The following SYT1 variants were observed in gnomAD, a reference collection of about 807,000 sequenced individuals.
SYT1 encodes synaptotagmin 1.
A neutral mutation model predicts 44.8 loss-of-function variants in SYT1; 8 were observed. The ratio of observed to expected loss-of-function variants is 0.18; its 90% CI spans 0.10 to 0.32. The LOEUF is 0.32. SYT1 is among the 10% of genes least tolerant of loss of function. SYT1 has a pLI of 1.00. For synonymous variants in SYT1, 154 were observed against 188.8 expected (o/e 0.82, Z 1.51); for missense variants, 286 against 509.3 (o/e 0.56, Z 4.22).
intron 3 of SYT1, among the ~76,000 whole-genome samples, chr12:79,117,662 C>T (rs913856766): frequency 5.1e-5 from 2 of 39,310 alleles, no homozygotes; most frequent in African/African-American, 8.7e-5. Flanking sequence ...TGTATTACAT[C>T]ATATATATAT....
intron 4 of SYT1, among the ~76,000 whole-genome samples, chr12:79,243,927 G>C (rs1014951871): frequency 1.3e-5 from 2 of 151,852 alleles, no homozygotes; most frequent in Non-Finnish European, 2.9e-5. Flanking sequence ...TACAGGATGG[G>C]GGTGGCTAAA....
chr12:79,026,522 T>C (rs1229314667), intron 2 of SYT1, among the ~76,000 whole-genome samples: 1 of 150,982 alleles, frequency 6.6e-6, no homozygotes, highest in Non-Finnish European at 1.5e-5. Flanking sequence ...TTTTATGTTA[T>C]TGGAATCACG....
rs150015971 is a variant in SYT1, at chr12:79,247,499, G to T, written c.166+29814G>T. ...TCAGTGATACACAATTCTTCCTCAT[G>T]AGAGAAACAATTTATGGGAAATTAT... On this transcript the variant is annotated intron_variant, in intron 4 of 10. Coordinates refer to ENST00000261205, the MANE Select transcript of SYT1 (RefSeq NM_005639.3). Among the ~76,000 whole-genome samples, 521 of 152,250 alleles carry T rather than the reference G, an allele frequency of 3.4e-3. 3 individuals are homozygous for T. The highest frequency in any genetic ancestry group is 0.012 in the African/African-American group (487 of 41,552).
intron 9 of SYT1, among the ~76,000 whole-genome samples, chr12:79,363,570 A>T (rs1001891265): frequency 5.5e-5 from 8 of 144,668 alleles, no homozygotes; most frequent in African/African-American, 2.2e-4. Flanking sequence ...TACAAAAAAA[A>T]TTAAAAAAAA....
chr12:79,294,783 A>G (rs2138862723), intron 6 of SYT1, among the ~76,000 whole-genome samples: 1 of 151,978 alleles, frequency 6.6e-6, no homozygotes, highest in African/African-American at 2.4e-5. Context: ...TTTACTAATC[A>G]TGTCTTTATA....
intron 1 of SYT1, among the ~76,000 whole-genome samples, chr12:78,899,067 C>A (rs1303574756): frequency 1.3e-5 from 2 of 151,992 alleles, no homozygotes; most frequent in East Asian, 3.9e-4. Flanking sequence ...TTATTGACAG[C>A]TTTGATGTGG....
intron 2 of SYT1, among the ~76,000 whole-genome samples, chr12:79,045,004 A>G (rs1269719707): frequency 1.3e-5 from 2 of 152,154 alleles, no homozygotes; most frequent in Non-Finnish European, 2.9e-5. Flanking sequence ...GCGTGCTGGG[A>G]GAACCACTGC....
At chr12:78,927,089 A>G (rs2137184098) in intron 1 of SYT1, among the ~76,000 whole-genome samples, 1 of 152,266 alleles carries the variant, frequency 6.6e-6, no homozygotes, top group African/African-American at 2.4e-5. Flanking sequence ...CAAATGAGGT[A>G]GATTCAACAA....
chr12:79,093,707 A>AT (rs76491419), intron 3 of SYT1, among the ~76,000 whole-genome samples: 5,154 of 151,578 alleles, frequency 0.034, 177 homozygotes, highest in South Asian at 0.11. Flanking sequence ...TAGAATAATT[A>AT]TTTTTCTTCA....
Position 79,158,183 on chromosome 12 carries a change from A to C in SYT1, c.-17-59320A>C, listed in dbSNP as rs185066278. On this transcript the variant is annotated intron_variant, in intron 3 of 10. Transcript: ENST00000261205. The stretch of plus-strand genomic sequence containing the variant: ...TGTACAAGTAACTACATAACTCACT[A>C]TCATGTAGAATCAGTGCGATCCCTG... Among the ~76,000 whole-genome samples the C allele has an allele frequency of 5.9e-5, 9 of 152,102 alleles. 1 individual carries two copies. Among genetic ancestry groups the C allele is most frequent in the Non-Finnish European group, 2.9e-5 (2 of 68,010 alleles).
At chr12:79,300,303 C>G (rs779348703) in intron 8 of SYT1, among the ~76,000 whole-genome samples, 14 of 152,112 alleles carry the variant, frequency 9.2e-5, no homozygotes, top group Non-Finnish European at 4.4e-5. Context: ...AGCAAACAAC[C>G]CTTAGCTTCT....
At chr12:79,051,903 C>A (rs1450374913) in intron 3 of SYT1, among the ~76,000 whole-genome samples, 1 of 152,014 alleles carries the variant, frequency 6.6e-6, no homozygotes, top group East Asian at 1.9e-4. Context: ...GTTTTGGTAC[C>A]AGTACCCTGC....
chr12:78,938,804 C>T (rs1423666219), intron 1 of SYT1, among the ~76,000 whole-genome samples: 1 of 152,164 alleles, frequency 6.6e-6, no homozygotes, highest in African/African-American at 2.4e-5. Context: ...GAACAGCTGC[C>T]GTCTTTGTGT....
intron 1 of SYT1, among the ~76,000 whole-genome samples, chr12:78,971,737 A>G (rs996027907): frequency 6.6e-6 from 1 of 152,164 alleles, no homozygotes; most frequent in African/African-American, 2.4e-5. Context: ...GACTTGGACT[A>G]TATATTATAG....
chr12:79,124,420 T>C (rs1456991353), intron 3 of SYT1, among the ~76,000 whole-genome samples: 1 of 152,206 alleles, frequency 6.6e-6, no homozygotes, highest in African/African-American at 2.4e-5. Flanking sequence ...CATAATCTTC[T>C]GAGATTACAA....
Position 79,217,532 on chromosome 12 carries a change from A to G in SYT1, c.13A>G (p.Ser5Gly). ...ACCTGAACCTAAAATGGTGAGCGAG[A>G]GTCACCATGAGGCCCTGGCAGCCCC... MVSE[S>G]HHEALAAPPV... is the part of the protein sequence containing the mutation. The change falls in exon 4 of 11, where the codon AGT becomes GGT. Residue 5 changes from serine (S) to glycine (G), a missense_variant. Transcript: ENST00000261205. The G allele has an allele frequency of 6.3e-7, 1 of 1,595,420 alleles. No homozygotes were observed. Among genetic ancestry groups the G allele is most frequent in the Non-Finnish European group, 8.5e-7 (1 of 1,172,082 alleles).
intron 8 of SYT1, among the ~76,000 whole-genome samples, chr12:79,333,881 T>C (rs1881970090): frequency 6.6e-6 from 1 of 152,208 alleles, no homozygotes; most frequent in African/African-American, 2.4e-5. Context: ...TTTTCAAACC[T>C]ATTCATTTTT....
intron 4 of SYT1, among the ~76,000 whole-genome samples, chr12:79,280,727 T>C (rs1879003428): frequency 6.6e-6 from 1 of 151,898 alleles, no homozygotes; most frequent in South Asian, 2.1e-4. Context: ...ACCTATAGAA[T>C]GGGAGAAAAT....
At chr12:78,916,343 A>C (rs1017034582) in intron 1 of SYT1, among the ~76,000 whole-genome samples, 6 of 152,092 alleles carry the variant, frequency 3.9e-5, no homozygotes, top group Admixed American at 3.9e-4. Context: ...ATGTGAAGTA[A>C]ATAATAAAAA....
Sources: gnomAD v4.1 joint callset for allele counts (sites outside exome capture counted in the v4.1 genomes callset) on GRCh38, gnomAD v4.1.1 for gene constraint, MANE v1.5 for transcripts, NCBI Gene and HGNC (gene_info 2026-07-23, HGNC 2026-07-21) for gene names.